Variants in CNTN4 observed in about 807,000 individuals in gnomAD.
CNTN4 encodes the protein contactin 4.
A neutral mutation model predicts 122.5 loss-of-function variants in CNTN4; 77 were observed. The observed-to-expected ratio is 0.63, with a 90% CI of 0.52 to 0.76. The LOEUF is 0.76. Among genes scored for constraint, CNTN4 ranks in the 30% least tolerant of loss-of-function variants. The probability of loss-of-function intolerance (pLI) is 0.00; values close to 1 mark genes in which losing one functional copy is unlikely to be tolerated. For missense variants in CNTN4, 1,256 were observed against 1,259.1 expected (o/e 1.00, Z 0.04); for synonymous variants, 512 against 447.0 (o/e 1.15, Z -1.83).
chr3:2,333,152 C>T (rs111358079), intron 2 of CNTN4, among the ~76,000 whole-genome samples: 4 of 152,168 alleles, frequency 2.6e-5, no homozygotes, highest in Admixed American at 1.3e-4. Context: ...GCAGCATAAG[C>T]CATTCCCACT....
In CNTN4 at chr3:2,293,682, C is replaced by T. The variant is rs1033650644; in HGVS notation, c.-144-45496C>T. On this transcript the variant is annotated intron_variant, in intron 2 of 24. Transcript: ENST00000418658. ...CTGTTATTACTTTATATCTTTCTTA[C>T]GAGTATATCTCTTTAAAGTAGCAAT... 3.9e-5 allele frequency among the ~76,000 whole-genome samples: 6 copies of T among 152,218 alleles called. 1 individual carries two copies. Among genetic ancestry groups the T allele is most frequent in the Middle Eastern group, 6.8e-3 (2 of 294 alleles).
chr3:2,698,439 C>G (rs1042828514), intron 4 of CNTN4, among the ~76,000 whole-genome samples: 13 of 152,094 alleles, frequency 8.5e-5, no homozygotes, highest in African/African-American at 2.9e-4. Context: ...CGGACCACGC[C>G]GTAATCTAAG....
At position 2,368,123 on chromosome 3, in the gene CNTN4, C is replaced by T. The variant is rs367900012; in HGVS notation, c.-89+28890C>T. Among the ~76,000 whole-genome samples the T allele has an allele frequency of 3.7e-4, 56 of 149,562 alleles. No individual in the cohort carries two copies. In the South Asian group the frequency reaches 0.011, roughly 30 times the overall value. ...TCTCGGCTCACTGCAAGCTCTGCCT[C>T]CTGGGTTCATGCCATTCTCCTGCCT... On this transcript the variant is annotated intron_variant, in intron 3 of 24. Transcript: ENST00000418658.
intron 2 of CNTN4, among the ~76,000 whole-genome samples, chr3:2,277,268 A>G (rs2041550070): frequency 6.6e-6 from 1 of 150,730 alleles, no homozygotes; most frequent in Non-Finnish European, 1.5e-5. Context: ...AAGGTGGTGC[A>G]AACTTATTCC....
Position 2,662,972 on chromosome 3 carries a change from T to C in CNTN4, c.56-73243T>C, listed in dbSNP as rs150647236. Among the ~76,000 whole-genome samples the C allele has an allele frequency of 1.8e-3, 270 of 152,012 alleles. 1 individual carries two copies. The highest frequency in any genetic ancestry group is 6.1e-3 in the African/African-American group (252 of 41,428). ...CAAAAATTAGCTGGGTGTGATGGTG[T>C]GTGCCTGTAATCCCAGCTGCTCAGG... is the stretch of plus-strand genomic sequence containing the variant. On this transcript the variant is annotated intron_variant, in intron 4 of 24. Coordinates refer to ENST00000418658, the MANE Select transcript of CNTN4 (RefSeq NM_175607.3).
chr3:2,994,689 CTGTTT>C (rs72273879), intron 14 of CNTN4, among the ~76,000 whole-genome samples: 2,505 of 151,840 alleles, frequency 0.016, 25 homozygotes, highest in Non-Finnish European at 0.025. Flanking sequence ...TAAAATTCTT[CTGTTT>C]TAACTGTAGG....
At chr3:2,474,691 G>C (rs990070617) in intron 3 of CNTN4, among the ~76,000 whole-genome samples, 2 of 152,190 alleles carry the variant, frequency 1.3e-5, no homozygotes, top group Non-Finnish European at 1.5e-5. Context: ...GTCAAGCCAT[G>C]TTAGAAACCC....
intron 6 of CNTN4, among the ~76,000 whole-genome samples, chr3:2,776,514 A>T (rs1368007495): frequency 1.3e-5 from 2 of 152,068 alleles, no homozygotes; most frequent in Non-Finnish European, 2.9e-5. Context: ...CTGTGACTTG[A>T]TCTCCAAAGT....
At chr3:2,886,621 C>T (rs559409829) in intron 9 of CNTN4, among the ~76,000 whole-genome samples, 1 of 150,360 alleles carries the variant, frequency 6.7e-6, no homozygotes, top group East Asian at 2.0e-4. Flanking sequence ...AAGTGATTCT[C>T]CTGCCTCAGC....
At chr3:2,911,395 A>T (rs997216412) in intron 12 of CNTN4, among the ~76,000 whole-genome samples, 8 of 152,232 alleles carry the variant, frequency 5.3e-5, no homozygotes, top group Non-Finnish European at 8.8e-5. Flanking sequence ...CCCAGAGAAG[A>T]TGCATCATCA....
intron 2 of CNTN4, among the ~76,000 whole-genome samples, chr3:2,325,303 A>G: frequency 6.6e-6 from 1 of 152,296 alleles, no homozygotes; most frequent in Middle Eastern, 3.4e-3. Flanking sequence ...GCTTTATATA[A>G]TATTTTCCCA....
intron 2 of CNTN4, among the ~76,000 whole-genome samples, chr3:2,196,110 A>G (rs2037820631): frequency 6.6e-6 from 1 of 152,240 alleles, no homozygotes; most frequent in Non-Finnish European, 1.5e-5. Context: ...CCTAATTTAT[A>G]CAAAGCTGTT....
chr3:3,055,143 G>T (rs190340020), intron 24 of CNTN4, among the ~76,000 whole-genome samples: 1 of 152,100 alleles, frequency 6.6e-6, no homozygotes, highest in Admixed American at 6.6e-5. Flanking sequence ...TGTCTTAAAA[G>T]GGGGACAATT....
At chr3:2,344,821 A>C (rs779717706) in intron 3 of CNTN4, among the ~76,000 whole-genome samples, 3 of 152,194 alleles carry the variant, frequency 2.0e-5, no homozygotes, top group Non-Finnish European at 2.9e-5. Flanking sequence ...AATTAGTATT[A>C]TTTGGTTGTA....
At chr3:2,586,792 T>A (rs948887063) in intron 4 of CNTN4, among the ~76,000 whole-genome samples, 1 of 152,168 alleles carries the variant, frequency 6.6e-6, no homozygotes, top group African/African-American at 2.4e-5. Context: ...CACACTGTAG[T>A]GATTTCTGCT....
At chr3:2,867,270 G>T (rs943787205) in intron 8 of CNTN4, among the ~76,000 whole-genome samples, 1 of 152,138 alleles carries the variant, frequency 6.6e-6, no homozygotes. Flanking sequence ...TGAAGTGAAA[G>T]GTTGAACAAT....
intron 2 of CNTN4, among the ~76,000 whole-genome samples, chr3:2,176,935 CAA>C (rs199639088): frequency 0.011 from 1,641 of 152,152 alleles, 20 homozygotes; most frequent in South Asian, 0.017. Context: ...AGAAAATCAA[CAA>C]AGAGTCACCT....
At chr3:2,943,828 TG>T (rs2094643504) in intron 13 of CNTN4, among the ~76,000 whole-genome samples, 1 of 151,564 alleles carries the variant, frequency 6.6e-6, no homozygotes, top group Non-Finnish European at 1.5e-5. Flanking sequence ...TTCATCATGT[TG>T]GCGAGGTTGG....
chr3:2,878,548 GCT>G (rs200229681), intron 8 of CNTN4, among the ~76,000 whole-genome samples: 49 of 73,440 alleles, frequency 6.7e-4, no homozygotes, highest in Admixed American at 9.7e-4. Context: ...CAGAAGAGAT[GCT>G]CTCTGTGTGT....
Sources: gnomAD v4.1 joint callset for allele counts (sites outside exome capture counted in the v4.1 genomes callset) on GRCh38, gnomAD v4.1.1 for gene constraint, MANE v1.5 for transcripts, NCBI Gene and HGNC (gene_info 2026-07-23, HGNC 2026-07-21) for gene names.